The following GRIK2 variants were observed in gnomAD, a reference collection of about 807,000 sequenced individuals.
GRIK2 encodes glutamate receptor ionotropic, kainate 2.
A neutral mutation model predicts 100.3 loss-of-function variants in GRIK2; 32 were observed. The observed-to-expected ratio is 0.32, with a 90% CI of 0.24 to 0.43. The LOEUF (loss-of-function observed/expected upper bound fraction) is 0.43, where lower values mean the gene tolerates loss of function less well. Ranked by LOEUF, GRIK2 falls within the 20% of genes least tolerant of loss-of-function variation. GRIK2 has a pLI of 1.00. For missense variants in GRIK2, 843 were observed against 1,114.9 expected, an observed-to-expected ratio of 0.76 and a Z score of 3.47; for synonymous variants, 417 against 389.4, an observed-to-expected ratio of 1.07 and a Z score of -0.83.
At chr6:101,731,845 T>C (rs940303187) in intron 7 of GRIK2, among the ~76,000 whole-genome samples, 3 of 151,952 alleles carry the variant, frequency 2.0e-5, no homozygotes, top group Non-Finnish European at 4.4e-5. Context: ...TTACAGAATC[T>C]TAAACTGTAT....
chr6:101,751,731 T>C (rs1776801027), intron 7 of GRIK2, among the ~76,000 whole-genome samples: 1 of 152,224 alleles, frequency 6.6e-6, no homozygotes, highest in Admixed American at 6.5e-5. Context: ...AACATGTTCA[T>C]CTGTCCTCTA....
Position 101,840,633 on chromosome 6 carries a change from A to G in GRIK2, c.1318-18654A>G, listed in dbSNP as rs112845041. 2.0e-3 allele frequency among the ~76,000 whole-genome samples: 311 copies of G among 152,306 alleles called. 3 individuals are homozygous for G. Among genetic ancestry groups the G allele is most frequent in the African/African-American group, 7.0e-3 (290 of 41,564 alleles). On this transcript the variant is annotated intron_variant, in intron 10 of 16. Transcript: ENST00000369134. The stretch of plus-strand genomic sequence containing the variant: ...CCTTGGTTTATCCATTTATCAGTCA[A>G]TTATTTTATTAGGCATATTTCTTAT...
intron 9 of GRIK2, among the ~76,000 whole-genome samples, chr6:101,805,074 C>G (rs1292216314): frequency 6.6e-6 from 1 of 151,828 alleles, no homozygotes; most frequent in South Asian, 2.1e-4. Context: ...CATGAGGCAA[C>G]AGCAGTTATC....
chr6:101,856,864 A>G (rs926291143), intron 10 of GRIK2, among the ~76,000 whole-genome samples: 1 of 152,332 alleles, frequency 6.6e-6, no homozygotes, highest in South Asian at 2.1e-4. Flanking sequence ...TGAGTAAATA[A>G]AAGAATTAAG....
intron 10 of GRIK2, among the ~76,000 whole-genome samples, chr6:101,845,943 A>G (rs2128437382): frequency 6.6e-6 from 1 of 151,834 alleles, no homozygotes; most frequent in Non-Finnish European, 1.5e-5. Context: ...GTGCTTGTTG[A>G]CATCTATATG....
At chr6:101,979,075 AAAAC>A (rs1423590594) in intron 14 of GRIK2, among the ~76,000 whole-genome samples, 3 of 152,022 alleles carry the variant, frequency 2.0e-5, no homozygotes, top group African/African-American at 7.2e-5. Context: ...TGCATAGTAA[AAAAC>A]AAACAGGAAC....
chr6:102,059,392 T>G (rs1185297130), intron 16 of GRIK2, among the ~76,000 whole-genome samples: 1 of 151,228 alleles, frequency 6.6e-6, no homozygotes, highest in Non-Finnish European at 1.5e-5. Context: ...CATTTTATAA[T>G]TATTTTTCTT....
Position 101,652,885 on chromosome 6 carries a change from G to A in GRIK2, c.542-23738G>A, listed in dbSNP as rs576178910. 1.1e-4 allele frequency among the ~76,000 whole-genome samples: 17 copies of A among 152,158 alleles called. No individual in the cohort carries two copies. In the South Asian group the frequency reaches 3.3e-3, roughly 30 times the overall value. Reference sequence around the variant, plus strand: ...GTGCTTAAGCTTGAGGAGTTGAAATGCGTTTGTGTTTGCCATAGGAAAGAG... The same window carrying A: ...GTGCTTAAGCTTGAGGAGTTGAAATACGTTTGTGTTTGCCATAGGAAAGAG... On this transcript the variant is annotated intron_variant, in intron 4 of 16. Coordinates refer to ENST00000369134, the MANE Select transcript of GRIK2 (RefSeq NM_021956.5).
rs112172742 is a variant in GRIK2 at position 101,535,856 on chromosome 6, A to G, written c.116-86093A>G. On this transcript the variant is annotated intron_variant, in intron 2 of 16. Coordinates refer to ENST00000369134, the MANE Select transcript of GRIK2 (RefSeq NM_021956.5). ...AAGCACCTAAACGAAGTATTGTGCA[A>G]ATGTTTTGGTCACACACACCTTAAT... Among the ~76,000 whole-genome samples the G allele has an allele frequency of 6.1e-3, 930 of 151,796 alleles. 4 individuals are homozygous for G. Among genetic ancestry groups the G allele is most frequent in the African/African-American group, 0.019 (798 of 41,490 alleles).
intron 11 of GRIK2, chr6:101,860,921 G>A (rs1234595932): frequency 1.1e-6 from 1 of 920,104 alleles, no homozygotes; most frequent in Non-Finnish European, 1.3e-6. Context: ...TGAGGCATTA[G>A]GTATTGTTAG....
intron 2 of GRIK2, among the ~76,000 whole-genome samples, chr6:101,514,218 A>G (rs1196974913): frequency 6.6e-6 from 1 of 152,132 alleles, no homozygotes; most frequent in African/African-American, 2.4e-5. Flanking sequence ...TGATTCTTAT[A>G]TCATACCCTG....
At chr6:101,773,351 G>A (rs564006294) in intron 7 of GRIK2, among the ~76,000 whole-genome samples, 12 of 151,896 alleles carry the variant, frequency 7.9e-5, no homozygotes, top group South Asian at 2.1e-4. Flanking sequence ...AAGGTGGCAC[G>A]CGCCTATAGT....
At chr6:101,515,550 CCT>C (rs1454018696) in intron 2 of GRIK2, among the ~76,000 whole-genome samples, 1 of 152,044 alleles carries the variant, frequency 6.6e-6, no homozygotes, top group Non-Finnish European at 1.5e-5. Flanking sequence ...AGAAGTGTTC[CCT>C]GTTTACCACA....
chr6:101,743,839 T>G (rs779872457), intron 7 of GRIK2, among the ~76,000 whole-genome samples: 4 of 152,182 alleles, frequency 2.6e-5, no homozygotes, highest in Non-Finnish European at 4.4e-5. Context: ...GTTAATAGGT[T>G]TTTTGGGAAC....
chr6:101,892,028 T>C (rs1231647654), intron 12 of GRIK2, among the ~76,000 whole-genome samples: 1 of 152,084 alleles, frequency 6.6e-6, no homozygotes, highest in Non-Finnish European at 1.5e-5. Flanking sequence ...CTCCAAAATA[T>C]ACAAAAAGTC....
intron 7 of GRIK2, among the ~76,000 whole-genome samples, chr6:101,735,551 G>C (rs1222658625): frequency 6.6e-6 from 1 of 152,188 alleles, no homozygotes; most frequent in African/African-American, 2.4e-5. Flanking sequence ...CAGGCAGAGA[G>C]AGAGAGCTTG....
intron 7 of GRIK2, among the ~76,000 whole-genome samples, chr6:101,697,340 CGTGTGTGTGTGTGTGTGTGTGT>C (rs63654860): frequency 3.4e-5 from 5 of 146,714 alleles, no homozygotes; most frequent in East Asian, 2.0e-4. Context: ...TTAGGGTGTA[CGTGTGTGTGTGTGTGTGTGTGT>C]GTGTGTGTGT....
At chr6:101,733,447 T>C (rs1467230063) in intron 7 of GRIK2, among the ~76,000 whole-genome samples, 1 of 152,150 alleles carries the variant, frequency 6.6e-6, no homozygotes, top group East Asian at 1.9e-4. Context: ...ATTCTGTCTT[T>C]TTTACTATGT....
chr6:101,807,438 TAAAC>T (rs1781074465), intron 9 of GRIK2, among the ~76,000 whole-genome samples: 1 of 151,960 alleles, frequency 6.6e-6, no homozygotes, highest in African/African-American at 2.4e-5. Context: ...AGTATGGAAA[TAAAC>T]AAAGCTCACC....
Sources: gnomAD v4.1 joint callset for allele counts (sites outside exome capture counted in the v4.1 genomes callset) on GRCh38, gnomAD v4.1.1 for gene constraint, MANE v1.5 for transcripts, NCBI Gene and HGNC (gene_info 2026-07-23, HGNC 2026-07-21) for gene names.